Variants in DHCR24 observed in about 807,000 individuals in gnomAD.
DHCR24 encodes the protein 24-dehydrocholesterol reductase.
A neutral mutation model predicts 61.2 loss-of-function variants in DHCR24; 28 were observed. That is an observed-to-expected ratio of 0.46 (90% CI 0.34 to 0.63). The LOEUF (loss-of-function observed/expected upper bound fraction) is 0.63. Ranked by LOEUF, DHCR24 falls within the 20% of genes least tolerant of loss-of-function variation. The pLI is 0.01. For synonymous variants in DHCR24, 261 were observed against 275.9 expected, an observed-to-expected ratio of 0.95 and a Z score of 0.54; for missense variants, 538 against 679.1, an observed-to-expected ratio of 0.79 and a Z score of 2.31.
rs116871890 is a variant in DHCR24 at position 54,866,412 on chromosome 1, G to A, written c.877-966C>T. Among the ~76,000 whole-genome samples the A allele has an allele frequency of 8.6e-3, 1,292 of 150,480 alleles. 53 individuals carry two copies. The East Asian group carries it at 0.12, about 14-fold the overall frequency. On this transcript the variant is annotated intron_variant, in intron 5 of 8. Transcript: ENST00000371269. ...CGCCCAGGCTGGAGTTCAGTGGCAC[G>A]ATCTTGGCTCACTGCAAGCTCCACC...
intron 2 of DHCR24, among the ~76,000 whole-genome samples, chr1:54,879,572 C>T (rs1464752238): frequency 6.6e-6 from 1 of 152,102 alleles, no homozygotes; most frequent in East Asian, 1.9e-4. Context: ...GCCTAGCTGT[C>T]TCTAAACTAG....
intron 6 of DHCR24, among the ~76,000 whole-genome samples, chr1:54,861,605 A>G (rs951422152): frequency 2.0e-5 from 3 of 151,998 alleles, no homozygotes; most frequent in African/African-American, 7.3e-5. Flanking sequence ...TCATCATAAC[A>G]CACCCTTGGG....
chr1:54,883,287 CA>C lies in DHCR24; in HGVS notation c.387+330del, dbSNP rs1403559571. Among the ~76,000 whole-genome samples, 1 of 152,178 alleles carries C rather than the reference CA, an allele frequency of 6.6e-6. No individual in the cohort carries two copies. The highest frequency in any genetic ancestry group is 1.5e-5 in the Non-Finnish European group (1 of 68,032). On this transcript the variant is annotated intron_variant, in intron 2 of 8. Transcript: ENST00000371269. The surrounding 1 kb of genome is among the most constrained non-coding windows in gnomAD (Gnocchi z 4.3). ...AGCTTGTAACAAGACCCATGTCTCTCAGTCACTTCTGTAGCCCATTTTTTAC... is the reference window on the plus strand; with the variant it reads ...AGCTTGTAACAAGACCCATGTCTCTCGTCACTTCTGTAGCCCATTTTTTAC...
intron 2 of DHCR24, among the ~76,000 whole-genome samples, chr1:54,882,839 C>T (rs1647071603): frequency 6.6e-6 from 1 of 151,430 alleles, no homozygotes; most frequent in South Asian, 2.1e-4. Context: ...CTGTGGGGGG[C>T]GGGTAGGGGA....
At chr1:54,858,728 C>T (rs1646920788) in intron 6 of DHCR24, among the ~76,000 whole-genome samples, 1 of 152,178 alleles carries the variant, frequency 6.6e-6, no homozygotes, top group African/African-American at 2.4e-5. Context: ...ACCTCCGCTT[C>T]TGGGTTCAAG....
rs372344030 is a variant in DHCR24 at position 54,851,580 on chromosome 1, C to T, written c.*653G>A. 1.2e-3 allele frequency: 179 copies of T among 154,296 alleles called. 1 individual carries two copies. In the South Asian group the frequency reaches 0.028, roughly 24 times the overall value. The allele number at this position is 154,296 out of a possible 1,614,324, so 9.6% of individuals were successfully genotyped here. On this transcript the variant is annotated 3_prime_UTR_variant, in exon 9 of 9. Transcript: ENST00000371269. ...AGGCATGAAGGAGGAAGGGGCAGGA[C>T]GGCACCAAGGATGGCAGGGAGAACT...
At chr1:54,859,156 C>G (rs533326694) in intron 6 of DHCR24, among the ~76,000 whole-genome samples, 2 of 152,266 alleles carry the variant, frequency 1.3e-5, no homozygotes, top group African/African-American at 4.8e-5. Context: ...GGGAAGCCAG[C>G]TGCTTTGTCA....
chr1:54,870,804 C>T (rs1014973712), intron 5 of DHCR24, among the ~76,000 whole-genome samples: 33 of 151,592 alleles, frequency 2.2e-4, no homozygotes, highest in Non-Finnish European at 4.3e-4. Flanking sequence ...CTTTTCTTTC[C>T]TTTTTACTTG....
At chr1:54,865,534 C>T in intron 5 of DHCR24, 88 bp from the exon 6 acceptor site, 1 of 1,560,310 alleles carries the variant, frequency 6.4e-7, no homozygotes, top group Non-Finnish European at 8.8e-7. Flanking sequence ...TTCTGTTCAG[C>T]ACTCCTGGCC....
chr1:54,871,515 G>T lies in DHCR24; in HGVS notation c.711C>A (p.Tyr237Ter), dbSNP rs145971053. 93 of 1,614,094 alleles carry T rather than the reference G, an allele frequency of 5.8e-5. No individual in the cohort carries two copies. The highest frequency in any genetic ancestry group is 6.8e-6 in the Non-Finnish European group (8 of 1,180,048). ...GCACTGGCTCGAAACGCAGCTTGAC[G>T]TACTTCTTGGCAGGGATGATGCGGA... ...AEIRIIPAKK[Y>*]VKLRFEPVRG... Residue 237 changes from tyrosine (Y) to a stop codon, truncating the protein, a stop_gained, in exon 5 of 9, where the codon TAC becomes TAA. Transcript: ENST00000371269. LOFTEE classifies it high-confidence loss of function.
At chr1:54,876,446 G>C (rs945522911) in intron 2 of DHCR24, among the ~76,000 whole-genome samples, 1 of 152,138 alleles carries the variant, frequency 6.6e-6, no homozygotes, top group Non-Finnish European at 1.5e-5. Context: ...CTGAGTTCAG[G>C]AGTTTGAGAC....
At chr1:54,867,916 A>G (rs984734350) in intron 5 of DHCR24, among the ~76,000 whole-genome samples, 2 of 152,214 alleles carry the variant, frequency 1.3e-5, no homozygotes, top group Non-Finnish European at 1.5e-5. Context: ...GCATAGTGCT[A>G]AAGTCTGCAG....
intron 6 of DHCR24, among the ~76,000 whole-genome samples, chr1:54,861,102 T>A (rs1646935393): frequency 1.3e-5 from 2 of 152,148 alleles, no homozygotes; most frequent in African/African-American, 4.8e-5. Flanking sequence ...AGTGATCTTA[T>A]CTTCCACATG....
At chr1:54,886,781 A>T in intron 1 of DHCR24, 108 bp downstream of exon 1, 53 of 834,148 alleles carry the variant, frequency 6.4e-5, no homozygotes, top group East Asian at 1.8e-4. Context: ...CCCCCCCAGG[A>T]AGTCCTGGCC....
At chr1:54,869,996 A>C (rs1418596239) in intron 5 of DHCR24, among the ~76,000 whole-genome samples, 1 of 151,900 alleles carries the variant, frequency 6.6e-6, no homozygotes, top group South Asian at 2.1e-4. Context: ...CAGAGGTTGC[A>C]GTGAGCTGAG....
chr1:54,886,664 A>C, intron 1 of DHCR24: 1 of 1,498,618 alleles, frequency 6.7e-7, no homozygotes. Flanking sequence ...ATCTCCCTCC[A>C]GGTACCCGCA....
At chr1:54,876,130 T>C in intron 2 of DHCR24, 83 bp from the exon 3 acceptor site, 2 of 1,060,726 alleles carry the variant, frequency 1.9e-6, no homozygotes, top group Non-Finnish European at 1.5e-6. Flanking sequence ...AGGTGTCATC[T>C]CAAACCTTCC....
At position 54,871,571 on chromosome 1, in the gene DHCR24, C is replaced by A; in HGVS notation, c.655G>T (p.Gly219Trp). 1 of 1,614,166 alleles carries A rather than the reference C, an allele frequency of 6.2e-7. No homozygotes were observed. The highest frequency in any genetic ancestry group is 8.5e-7 in the Non-Finnish European group (1 of 1,180,024). ...DLFYAVPWSC[G>W]TLGFLVAAEI... ...GCGGCCACCAGGAAACCCAGCGTCC[C>A]ACAGGACCAGGGTACGGCATAGAAC... The change falls in exon 5 of 9, where the codon GGG (glycine) becomes TGG (tryptophan). Residue 219 changes from glycine to tryptophan, a missense_variant. Transcript: ENST00000371269.
intron 6 of DHCR24, among the ~76,000 whole-genome samples, chr1:54,861,494 A>G (rs769423901): frequency 7.9e-5 from 12 of 151,972 alleles, no homozygotes; most frequent in Non-Finnish European, 1.5e-4. Context: ...CCTGACTTCA[A>G]TGCTCCACTC....
Sources: allele counts gnomAD v4.1 joint callset (sites outside exome capture counted in the v4.1 genomes callset), GRCh38; gene constraint gnomAD v4.1.1; non-coding constraint Gnocchi (gnomAD v3.1); transcripts MANE v1.5; gene names NCBI Gene and HGNC (gene_info 2026-07-23, HGNC 2026-07-21).